AASS: variants seen among roughly 807,000 people sequenced by gnomAD.
AASS encodes the protein aminoadipate-semialdehyde synthase.
AASS carries 86 observed loss-of-function variants against 105.4 expected under a neutral mutation model. The ratio of observed to expected loss-of-function variants is 0.82; its 90% CI spans 0.69 to 0.98. The LOEUF (loss-of-function observed/expected upper bound fraction) is 0.98. Among genes scored for constraint, AASS ranks in the 50% least tolerant of loss-of-function variants. The probability of loss-of-function intolerance (pLI) is 0.00; values close to 1 mark genes in which losing one functional copy is unlikely to be tolerated. For synonymous variants in AASS, 381 were observed against 394.8 expected, an observed-to-expected ratio of 0.96 and a Z score of 0.41; for missense variants, 1,048 against 1,143.2, an observed-to-expected ratio of 0.92 and a Z score of 1.20.
intron 6 of AASS, among the ~76,000 whole-genome samples, chr7:122,117,480 C>A (rs564913816): frequency 6.6e-6 from 1 of 152,104 alleles, no homozygotes; most frequent in African/African-American, 2.4e-5. Flanking sequence ...ATGAATCTTC[C>A]TAACATCTTG....
chr7:122,110,836 G>T (rs759438080), intron 11 of AASS, among the ~76,000 whole-genome samples: 1 of 151,668 alleles, frequency 6.6e-6, no homozygotes, highest in Non-Finnish European at 1.5e-5. Flanking sequence ...ATAAATGTTG[G>T]TATATTTCTT....
intron 11 of AASS, among the ~76,000 whole-genome samples, chr7:122,104,232 C>A (rs561917001): frequency 6.6e-6 from 1 of 151,892 alleles, no homozygotes; most frequent in Non-Finnish European, 1.5e-5. Flanking sequence ...AATCTAGATA[C>A]CCATCAGTGG....
chr7:122,114,970 G>A, intron 9 of AASS, 104 bp downstream of exon 9: 1 of 1,481,704 alleles, frequency 6.7e-7, no homozygotes, highest in African/African-American at 1.4e-5. Flanking sequence ...ATAAGGCAGA[G>A]AAGTAGTCAT....
chr7:122,118,704 A>C, intron 4 of AASS, 74 bp from the exon 5 acceptor site: 1 of 1,427,852 alleles, frequency 7.0e-7, no homozygotes, highest in Non-Finnish European at 9.8e-7. Context: ...CTCGTTCTCC[A>C]ATCTGCATGG....
At chr7:122,083,576 C>G (rs952460251) in intron 19 of AASS, among the ~76,000 whole-genome samples, 1 of 151,974 alleles carries the variant, frequency 6.6e-6, no homozygotes, top group Non-Finnish European at 1.5e-5. Context: ...CAAATAATGC[C>G]TAGTCCATGG....
rs1448190709 is a variant in AASS, at chr7:122,076,186, C to CA, written c.*302dup. The CA allele has an allele frequency of 9.1e-4, 282 of 309,962 alleles. No individual in the cohort carries two copies. Among genetic ancestry groups the CA allele is most frequent in the Non-Finnish European group, 1.3e-3 (214 of 164,748 alleles). The allele number at this position is 309,962 out of a possible 1,614,324, so 19.2% of individuals were successfully genotyped here. ...GAGACTCCATCTCAAAAAACAACAA[C>CA]AACAAAAAAAAAACAAAAGAAAAAA... On this transcript the variant is annotated 3_prime_UTR_variant, in exon 24 of 24. Coordinates refer to ENST00000417368, the MANE Select transcript of AASS (RefSeq NM_005763.4).
chr7:122,114,890 T>C (rs1301313835), intron 9 of AASS, among the ~76,000 whole-genome samples, 184 bp downstream of exon 9: 2 of 151,532 alleles, frequency 1.3e-5, no homozygotes, highest in Non-Finnish European at 2.9e-5. Flanking sequence ...GATAAATATA[T>C]ACAATAAAAT....
Position 122,076,608 on chromosome 7 carries a change from C to T in AASS, c.2663-1G>A. On this transcript the variant is annotated splice_acceptor_variant, in intron 23 of 23. Coordinates refer to ENST00000417368, the MANE Select transcript of AASS (RefSeq NM_005763.4). LOFTEE classifies it high-confidence loss of function. ...ATTAGGCCTTTGGCTCCAATTTCAC[C>T]TGGAAGAAAATAAATGTGTAATTAC... The T allele has an allele frequency of 3.8e-6, 6 of 1,591,346 alleles. No individual in the cohort carries two copies. Among genetic ancestry groups the T allele is most frequent in the Non-Finnish European group, 5.2e-6 (6 of 1,159,362 alleles).
At chr7:122,095,666 T>C (rs10246429) in intron 15 of AASS, among the ~76,000 whole-genome samples, 8,021 of 152,046 alleles carry the variant, frequency 0.053, 361 homozygotes, top group African/African-American at 0.12. Context: ...TTAAATTTAT[T>C]ATAATGCAGA....
At chr7:122,093,239 A>T in intron 15 of AASS, 81 bp from the exon 16 acceptor site, 2 of 995,682 alleles carry the variant, frequency 2.0e-6, no homozygotes, top group South Asian at 2.6e-5. Context: ...TTAAAGCTGC[A>T]TCTTAAGGTA....
chr7:122,090,728 C>T (rs1043008434), intron 18 of AASS, among the ~76,000 whole-genome samples: 2 of 152,110 alleles, frequency 1.3e-5, no homozygotes, highest in Non-Finnish European at 2.9e-5. Flanking sequence ...TGAGCATAAA[C>T]TATGAAGTCA....
intron 1 of AASS, among the ~76,000 whole-genome samples, chr7:122,134,731 T>A (rs930564008): frequency 6.6e-6 from 1 of 150,958 alleles, no homozygotes; most frequent in African/African-American, 2.4e-5. Flanking sequence ...TCCTCAAGGA[T>A]CTAGAACTAG....
Position 122,116,767 on chromosome 7 carries a change from A to G in AASS, c.767-7T>C. ...CCATACACTTTTCTGAGGTCTTGAAAAGGAGAAAGAAATTAGTAAAGTGGG... is the reference window on the plus strand; with the variant it reads ...CCATACACTTTTCTGAGGTCTTGAAGAGGAGAAAGAAATTAGTAAAGTGGG... On this transcript the variant is annotated splice_region_variant and splice_polypyrimidine_tract_variant and intron_variant, in intron 7 of 23. Coordinates refer to ENST00000417368, the MANE Select transcript of AASS (RefSeq NM_005763.4). 6.2e-7 allele frequency: 1 copy of G among 1,614,078 alleles called. No individual in the cohort carries two copies. Among genetic ancestry groups the G allele is most frequent in the Non-Finnish European group, 8.5e-7 (1 of 1,179,980 alleles).
Position 122,115,217 on chromosome 7 carries a change from T to C in AASS, c.900A>G (p.Ala300=), listed in dbSNP as rs759563276. The C allele has an allele frequency of 3.2e-5, 51 of 1,614,000 alleles. No individual in the cohort carries two copies. The highest frequency in any genetic ancestry group is 4.3e-5 in the Non-Finnish European group (51 of 1,180,000). ...RYISRFNTDI[A]PYTTCLINGI... ...CATTAATTAAGCAAGTTGTATAGGGTGCAATCTGTAATGCAAGTTCCAGGT... is the reference window on the plus strand; with the variant it reads ...CATTAATTAAGCAAGTTGTATAGGGCGCAATCTGTAATGCAAGTTCCAGGT... The change falls in exon 9 of 24, where the codon GCA becomes GCG. Residue 300 remains alanine (A), a synonymous_variant. Coordinates refer to ENST00000417368, the MANE Select transcript of AASS (RefSeq NM_005763.4).
In AASS at chr7:122,116,904, T is replaced by G. The variant is rs372232198; in HGVS notation, c.741A>C (p.Glu247Asp). Reference protein sequence around the residue: ...ELPCEYVEPHELKEVSQTGDL... With the variant: ...ELPCEYVEPHDLKEVSQTGDL... ...CTCCAGTTTGGGAAACTTCTTTTAA[T>G]TCATGGGGCTCCACATATTCACAAG... The change falls in exon 7 of 24, where the codon GAA becomes GAC. Residue 247 changes from glutamate (E) to aspartate (D), a missense_variant. Glu to Asp is a conservative substitution (Grantham distance 45). Transcript: ENST00000417368. 1 of 1,614,076 alleles carries G rather than the reference T, an allele frequency of 6.2e-7. No individual in the cohort carries two copies. The highest frequency in any genetic ancestry group is 1.7e-5 in the Admixed American group (1 of 60,024).
intron 18 of AASS, among the ~76,000 whole-genome samples, chr7:122,086,814 C>T (rs527458200): frequency 1.3e-5 from 2 of 152,156 alleles, no homozygotes; most frequent in East Asian, 3.9e-4. Context: ...TTGAAGATCG[C>T]ACAAATTGTG....
intron 23 of AASS, among the ~76,000 whole-genome samples, chr7:122,077,244 C>T (rs1028248353): frequency 2.0e-5 from 3 of 152,052 alleles, no homozygotes; most frequent in Admixed American, 1.3e-4. Context: ...AGAGGCAATG[C>T]TTATTGAATG....
intron 12 of AASS, 90 bp from the exon 13 acceptor site, chr7:122,101,528 G>A: frequency 6.8e-7 from 1 of 1,475,928 alleles, no homozygotes. Flanking sequence ...AAGACAGAAT[G>A]ACAAAGATGG....
chr7:122,110,098 C>T (rs1396544550), intron 11 of AASS, among the ~76,000 whole-genome samples: 2 of 151,810 alleles, frequency 1.3e-5, no homozygotes, highest in African/African-American at 4.8e-5. Context: ...GAAAGGTTAA[C>T]TAAGCTCTCA....
Sources: gnomAD v4.1 joint callset for allele counts (sites outside exome capture counted in the v4.1 genomes callset) on GRCh38, gnomAD v4.1.1 for gene constraint, MANE v1.5 for transcripts, NCBI Gene and HGNC (gene_info 2026-07-23, HGNC 2026-07-21) for gene names.